USP13: variants seen among roughly 807,000 people sequenced by gnomAD.
USP13 encodes the protein ubiquitin specific peptidase 13.
A neutral mutation model predicts 107.8 loss-of-function variants in USP13; 68 were observed. The observed-to-expected ratio is 0.63, with a 90% confidence interval of 0.52 to 0.77. The LOEUF is 0.77. Among genes scored for constraint, USP13 ranks in the 30% least tolerant of loss-of-function variants. The pLI is 0.00. For synonymous variants in USP13, 377 were observed against 389.5 expected, an observed-to-expected ratio of 0.97 and a Z score of 0.38; for missense variants, 945 against 1,093.3, an observed-to-expected ratio of 0.86 and a Z score of 1.91.
rs182375052 is a variant in USP13 at position 179,768,152 on chromosome 3, A to G, written c.2413+2304A>G. 3.2e-3 allele frequency among the ~76,000 whole-genome samples: 487 copies of G among 152,358 alleles called. 3 individuals are homozygous for G. The highest frequency in any genetic ancestry group is 0.011 in the African/African-American group (457 of 41,600). ...CAGTTCACTGCTTCATTGATTTTCC[A>G]TAATGGGCATTTCCTTGGAGAGGAT... On this transcript the variant is annotated intron_variant, in intron 19 of 20. Coordinates refer to ENST00000263966, the MANE Select transcript of USP13 (RefSeq NM_003940.3).
chr3:179,706,745 A>G (rs1576940315), intron 4 of USP13, among the ~76,000 whole-genome samples, 189 bp from the exon 5 acceptor site: 1 of 152,362 alleles, frequency 6.6e-6, no homozygotes, highest in East Asian at 1.9e-4. Context: ...TACTACAAAC[A>G]CTAGGCCAGG....
chr3:179,764,474 G>A (rs1301644722), intron 18 of USP13, among the ~76,000 whole-genome samples: 3 of 152,122 alleles, frequency 2.0e-5, no homozygotes, highest in Non-Finnish European at 2.9e-5. Context: ...GGCTGCTTGT[G>A]GCCCTAGAGG....
chr3:179,745,334 A>G, intron 13 of USP13, 117 bp downstream of exon 13: 3 of 1,277,862 alleles, frequency 2.3e-6, no homozygotes, highest in Non-Finnish European at 3.2e-6. Context: ...TTCATGTGTG[A>G]TGGATGGGAT....
chr3:179,713,206 C>T lies in USP13; in HGVS notation c.805+4249C>T, dbSNP rs575406802. ...TGGCAACAGCAATGCAGATCGTATA[C>T]ACTGTGATAAGGGTTGTGAATTCAT... On this transcript the variant is annotated intron_variant, in intron 6 of 20. Transcript: ENST00000263966. 9.7e-4 allele frequency among the ~76,000 whole-genome samples: 147 copies of T among 152,268 alleles called. 2 individuals carry two copies. In the South Asian group the frequency reaches 0.019, roughly 20 times the overall value.
At chr3:179,688,087 A>G (rs909137422) in intron 2 of USP13, among the ~76,000 whole-genome samples, 1 of 114,830 alleles carries the variant, frequency 8.7e-6, no homozygotes, top group East Asian at 2.7e-4. Flanking sequence ...ATATCCATCC[A>G]TCCATCCATC....
At chr3:179,774,236 G>A (rs1468451659) in intron 19 of USP13, among the ~76,000 whole-genome samples, 2 of 152,104 alleles carry the variant, frequency 1.3e-5, no homozygotes, top group African/African-American at 4.8e-5. Flanking sequence ...ACCAGGAGAG[G>A]GCACCAAGGT....
chr3:179,774,595 C>T (rs1170714082), intron 19 of USP13, among the ~76,000 whole-genome samples: 1 of 151,582 alleles, frequency 6.6e-6, no homozygotes, highest in African/African-American at 2.4e-5. Context: ...AGGAGTGAAG[C>T]TGCAGACCTT....
intron 5 of USP13, among the ~76,000 whole-genome samples, 183 bp downstream of exon 5, chr3:179,707,259 T>C (rs1440168813): frequency 6.6e-6 from 1 of 152,212 alleles, no homozygotes; most frequent in Non-Finnish European, 1.5e-5. Context: ...ATGTGCCCAG[T>C]CCATACCCCT....
chr3:179,693,553 T>A (rs1353317836), intron 3 of USP13, among the ~76,000 whole-genome samples: 1 of 152,196 alleles, frequency 6.6e-6, no homozygotes, highest in Non-Finnish European at 1.5e-5. Context: ...TTTTCTCTTG[T>A]CACATTGGTC....
At chr3:179,675,941 C>T (rs1720880887) in intron 1 of USP13, among the ~76,000 whole-genome samples, 1 of 152,094 alleles carries the variant, frequency 6.6e-6, no homozygotes, top group Non-Finnish European at 1.5e-5. Flanking sequence ...GGCTGTGTCC[C>T]CACCCAAATC....
chr3:179,693,358 G>A (rs192800347), intron 3 of USP13, among the ~76,000 whole-genome samples: 10 of 152,196 alleles, frequency 6.6e-5, no homozygotes, highest in African/African-American at 2.2e-4. Context: ...TCACTGTGTT[G>A]CCCAGGCTGG....
At position 179,684,270 on chromosome 3, in the gene USP13, TACACACACACACACACAC is replaced by T. The variant is rs58817778; in HGVS notation, c.294+2293_294+2310del. Among the ~76,000 whole-genome samples, 262 of 116,026 alleles carry T rather than the reference TACACACACACACACACAC, an allele frequency of 2.3e-3. 3 individuals are homozygous for T. The highest frequency in any genetic ancestry group is 8.3e-3 in the African/African-American group (249 of 30,128). 76.1% of individuals were successfully genotyped at this position (116,026 alleles called of 152,430 possible). A position where few individuals can be genotyped will look rare whatever the true frequency, so the allele number is the denominator to read the frequency against. On this transcript the variant is annotated intron_variant, in intron 2 of 20. Transcript: ENST00000263966. ...CACCACGCCTGGCAGTATCACCCTTTACACACACACACACACACACACACACACACACACACACACACA... is the reference window on the plus strand; with the variant it reads ...CACCACGCCTGGCAGTATCACCCTTTACACACACACACACACACACACACA...
In USP13 at chr3:179,786,729, A is replaced by G. The variant is rs1183139671; in HGVS notation, c.*2588A>G. The G allele has an allele frequency of 6.6e-6, 1 of 152,224 alleles. No homozygotes were observed. The highest frequency in any genetic ancestry group is 1.5e-5 in the Non-Finnish European group (1 of 68,042). 9.4% of individuals were successfully genotyped at this position (152,224 alleles called of 1,614,324 possible). ...TTAATTTTACACTTGTGTAGACACG[A>G]TTATTTGTGACTGAAAAGTGGAATA... On this transcript the variant is annotated 3_prime_UTR_variant, in exon 21 of 21. Coordinates refer to ENST00000263966, the MANE Select transcript of USP13 (RefSeq NM_003940.3).
intron 20 of USP13, 47 bp downstream of exon 20, chr3:179,781,870 C>T (rs1715759869): frequency 6.6e-7 from 1 of 1,509,818 alleles, no homozygotes; most frequent in African/African-American, 1.4e-5. Flanking sequence ...TTATTGAGTA[C>T]CTACTATATG....
chr3:179,730,359 A>G, intron 9 of USP13, 99 bp downstream of exon 9: 1 of 1,227,896 alleles, frequency 8.1e-7, no homozygotes, highest in East Asian at 2.4e-5. Context: ...GCAATTCTTC[A>G]TGTATTTTTA....
chr3:179,739,850 C>T (rs1714123958), intron 10 of USP13, among the ~76,000 whole-genome samples: 1 of 152,188 alleles, frequency 6.6e-6, no homozygotes, highest in Admixed American at 6.5e-5. Context: ...TGAGCCAACA[C>T]ACCTGGCCTC....
At chr3:179,774,951 C>G (rs1163569053) in intron 19 of USP13, among the ~76,000 whole-genome samples, 1 of 152,136 alleles carries the variant, frequency 6.6e-6, no homozygotes, top group East Asian at 1.9e-4. Context: ...CAAGTTCCCA[C>G]TAGATTAACT....
At chr3:179,688,918 A>G (rs1266929174) in intron 2 of USP13, among the ~76,000 whole-genome samples, 1 of 152,248 alleles carries the variant, frequency 6.6e-6, no homozygotes, top group African/African-American at 2.4e-5. Context: ...ATTTGGCATC[A>G]GTATTTGGAG....
intron 1 of USP13, among the ~76,000 whole-genome samples, chr3:179,659,678 C>T (rs185466680): frequency 6.6e-6 from 1 of 152,294 alleles, no homozygotes; most frequent in Admixed American, 6.5e-5. Flanking sequence ...GTACAAAGAT[C>T]ACCCAGAGAG....
Sources: allele counts gnomAD v4.1 joint callset (sites outside exome capture counted in the v4.1 genomes callset), GRCh38; gene constraint gnomAD v4.1.1; transcripts MANE v1.5; gene names NCBI Gene and HGNC (gene_info 2026-07-23, HGNC 2026-07-21).